Variants in MRPS27 observed in about 807,000 individuals in gnomAD.
MRPS27 encodes mitochondrial ribosomal protein S27.
MRPS27 carries 43 observed loss-of-function variants against 48.9 expected under a neutral mutation model. The observed-to-expected ratio is 0.88, with a 90% CI of 0.69 to 1.13. MRPS27 has a LOEUF of 1.13. Among genes scored for constraint, MRPS27 ranks in the 50% most tolerant of loss-of-function variants. The pLI, the probability that MRPS27 is intolerant of heterozygous loss-of-function variation, is 0.00. For synonymous variants in MRPS27, 188 were observed against 171.9 expected (o/e 1.09, Z -0.73); for missense variants, 467 against 476.3 (o/e 0.98, Z 0.18).
intron 2 of MRPS27, among the ~76,000 whole-genome samples, chr5:72,305,347 C>T (rs983987701): frequency 2.6e-5 from 4 of 152,116 alleles, no homozygotes; most frequent in Non-Finnish European, 5.9e-5. Context: ...CTCCATCAGG[C>T]CTCAAGAGCA....
chr5:72,280,135 T>C (rs1469053491), intron 4 of MRPS27, among the ~76,000 whole-genome samples: 1 of 152,210 alleles, frequency 6.6e-6, no homozygotes, highest in Non-Finnish European at 1.5e-5. Context: ...TTCTAATAAG[T>C]CTTGTTGTCT....
intron 4 of MRPS27, among the ~76,000 whole-genome samples, chr5:72,257,186 C>A (rs1219246584): frequency 6.6e-6 from 1 of 152,054 alleles, no homozygotes; most frequent in East Asian, 1.9e-4. Flanking sequence ...ACATGCCAGT[C>A]CTATTACAAA....
intron 4 of MRPS27, among the ~76,000 whole-genome samples, chr5:72,247,875 A>G (rs905093129): frequency 3.3e-5 from 5 of 152,048 alleles, no homozygotes; most frequent in African/African-American, 1.2e-4. Flanking sequence ...GGGTGGGCAT[A>G]GAGATATTAA....
Position 72,302,794 on chromosome 5 carries a change from G to T in MRPS27, c.152-5092C>A, listed in dbSNP as rs529708800. On this transcript the variant is annotated intron_variant, in intron 2 of 10. Coordinates refer to ENST00000261413, the MANE Select transcript of MRPS27 (RefSeq NM_015084.3). ...CAGAGGATAAAACCAATACTTGTAA[G>T]ATGAGAAGCTTGTTCAGAGATCCTC... is the stretch of plus-strand genomic sequence containing the variant. Among the ~76,000 whole-genome samples the T allele has an allele frequency of 5.9e-5, 9 of 152,336 alleles. No homozygotes were observed. The South Asian group carries it at 1.9e-3, about 32-fold the overall frequency.
At chr5:72,299,565 T>G (rs1373720911) in intron 2 of MRPS27, among the ~76,000 whole-genome samples, 1 of 152,238 alleles carries the variant, frequency 6.6e-6, no homozygotes, top group African/African-American at 2.4e-5. Flanking sequence ...AAATTGAAAT[T>G]TATCAAGTGA....
chr5:72,230,333 C>T (rs1748022277), intron 7 of MRPS27, among the ~76,000 whole-genome samples: 1 of 152,318 alleles, frequency 6.6e-6, no homozygotes, highest in Non-Finnish European at 1.5e-5. Context: ...AACTTCCCCG[C>T]TTTATTCTCC....
At chr5:72,317,501 G>A (rs937089747) in intron 1 of MRPS27, among the ~76,000 whole-genome samples, 1 of 151,884 alleles carries the variant, frequency 6.6e-6, no homozygotes, top group African/African-American at 2.4e-5. Context: ...TCCTGCCTCA[G>A]CCTCCTGAGT....
intron 2 of MRPS27, among the ~76,000 whole-genome samples, chr5:72,308,563 G>T (rs994650260): frequency 2.0e-5 from 3 of 152,186 alleles, no homozygotes; most frequent in Non-Finnish European, 2.9e-5. Context: ...CCCGCGGGGC[G>T]GCGGATTCCC....
chr5:72,312,260 C>T (rs1287325453), intron 2 of MRPS27, among the ~76,000 whole-genome samples: 2 of 152,168 alleles, frequency 1.3e-5, no homozygotes, highest in Non-Finnish European at 2.9e-5. Context: ...GAACTAACTC[C>T]ATTTTTCATA....
At chr5:72,245,984 T>C (rs1477752283) in intron 4 of MRPS27, among the ~76,000 whole-genome samples, 1 of 152,204 alleles carries the variant, frequency 6.6e-6, no homozygotes, top group Non-Finnish European at 1.5e-5. Context: ...ATACTTCCAG[T>C]GATACAATCC....
At chr5:72,289,934 T>C (rs568509325) in intron 4 of MRPS27, among the ~76,000 whole-genome samples, 119 of 152,200 alleles carry the variant, frequency 7.8e-4, no homozygotes, top group African/African-American at 2.7e-3. Context: ...AAAAATGCAA[T>C]TTGCAAATAT....
At chr5:72,267,324 A>AATG in intron 4 of MRPS27, among the ~76,000 whole-genome samples, 3 of 152,194 alleles carry the variant, frequency 2.0e-5, no homozygotes, top group African/African-American at 4.8e-5. Context: ...TTCATATAAC[A>AATG]TATGAACAGA....
chr5:72,227,969 A>C, intron 8 of MRPS27: 4 of 417,958 alleles, frequency 9.6e-6, no homozygotes, highest in Non-Finnish European at 1.7e-5. Context: ...AGTCTCCCTA[A>C]ACAGGGCCAG....
intron 4 of MRPS27, among the ~76,000 whole-genome samples, chr5:72,260,498 T>A (rs1748935666): frequency 6.6e-6 from 1 of 152,152 alleles, no homozygotes; most frequent in Admixed American, 6.5e-5. Flanking sequence ...TTTCAGCTGC[T>A]ACGGTCTAAG....
Position 72,320,235 on chromosome 5 carries a change from A to G in MRPS27, c.-14T>C, listed in dbSNP as rs764588394. The G allele has an allele frequency of 1.9e-5, 31 of 1,613,748 alleles. No individual in the cohort carries two copies. Among genetic ancestry groups the G allele is most frequent in the Non-Finnish European group, 2.5e-5 (30 of 1,179,854 alleles). On this transcript the variant is annotated 5_prime_UTR_variant, in exon 1 of 11. Transcript: ENST00000261413. The stretch of plus-strand genomic sequence containing the variant: ...GGAGGCAGCCATCTTGGAGCGTACC[A>G]AAAGGAACAGCCAACGGGTTACGGA...
At chr5:72,287,530 T>C (rs1686146962) in intron 4 of MRPS27, among the ~76,000 whole-genome samples, 1 of 152,128 alleles carries the variant, frequency 6.6e-6, no homozygotes. Flanking sequence ...TCCCAGCTAC[T>C]TGGGAGGCTG....
At chr5:72,305,035 T>C (rs929446864) in intron 2 of MRPS27, among the ~76,000 whole-genome samples, 1 of 152,172 alleles carries the variant, frequency 6.6e-6, no homozygotes, top group Non-Finnish European at 1.5e-5. Flanking sequence ...ATGACATATA[T>C]CATGCATTGA....
rs370534652 is a variant in MRPS27, at chr5:72,257,869, G to A, written c.282-19741C>T. Among the ~76,000 whole-genome samples, 116 of 152,244 alleles carry A rather than the reference G, an allele frequency of 7.6e-4. No homozygotes were observed. In the East Asian group the frequency reaches 0.02, roughly 27 times the overall value. On this transcript the variant is annotated intron_variant, in intron 4 of 10. Transcript: ENST00000261413. The stretch of plus-strand genomic sequence containing the variant: ...GGAGGCTGAGGTGGGCAGATCATGA[G>A]GTCAGGAGTTTGAGACCAGCCTGGC...
At chr5:72,249,594 A>T (rs1299444335) in intron 4 of MRPS27, among the ~76,000 whole-genome samples, 1 of 152,118 alleles carries the variant, frequency 6.6e-6, no homozygotes, top group Admixed American at 6.5e-5. Flanking sequence ...CTGAGGCAGG[A>T]GAATCACTTG....
Sources: allele counts gnomAD v4.1 joint callset (sites outside exome capture counted in the v4.1 genomes callset), GRCh38; gene constraint gnomAD v4.1.1; transcripts MANE v1.5; gene names NCBI Gene and HGNC (gene_info 2026-07-23, HGNC 2026-07-21).